The following VEZT variants were observed in gnomAD, a reference collection of about 807,000 sequenced individuals.
The protein encoded by VEZT is vezatin, adherens junctions transmembrane protein.
VEZT carries 39 observed loss-of-function variants against 79.9 expected under a neutral mutation model. The ratio of observed to expected loss-of-function variants is 0.49; its 90% CI spans 0.38 to 0.64. The LOEUF is 0.64. Ranked by LOEUF, VEZT falls within the 30% of genes least tolerant of loss-of-function variation. The pLI is 0.00. For synonymous variants in VEZT, 325 were observed against 327.6 expected (o/e 0.99, Z 0.09); for missense variants, 837 against 893.1 (o/e 0.94, Z 0.80).
Position 95,250,415 on chromosome 12 carries a change from G to A in VEZT, c.37-1525G>A, listed in dbSNP as rs532944060. Among the ~76,000 whole-genome samples, 15 of 147,900 alleles carry A rather than the reference G, an allele frequency of 1.0e-4. No individual in the cohort carries two copies. The South Asian group carries it at 2.4e-3, about 23-fold the overall frequency. ...CTTCCCAGGTTCAAGCCATTCTCCC[G>A]CCTCAGCCTCCTGAGTAGCTGAGAT... On this transcript the variant is annotated intron_variant, in intron 1 of 11. Transcript: ENST00000436874.
At chr12:95,219,039 A>G (rs1348783870) in intron 1 of VEZT, among the ~76,000 whole-genome samples, 1 of 152,158 alleles carries the variant, frequency 6.6e-6, no homozygotes, top group African/African-American at 2.4e-5. Flanking sequence ...CGAAGTGAAG[A>G]GTCTAGATAT....
chr12:95,272,613 G>A (rs554167545), intron 6 of VEZT, among the ~76,000 whole-genome samples: 2 of 152,180 alleles, frequency 1.3e-5, no homozygotes, highest in Non-Finnish European at 2.9e-5. Flanking sequence ...ACCCTTATTT[G>A]CCTGATCAAA....
intron 11 of VEZT, among the ~76,000 whole-genome samples, chr12:95,297,822 G>GA (rs2074480536): frequency 6.6e-6 from 1 of 151,972 alleles, no homozygotes; most frequent in Admixed American, 6.6e-5. Context: ...TTTTATTCAT[G>GA]AAAAAAATTC....
At chr12:95,223,525 G>A (rs1688286437) in intron 1 of VEZT, among the ~76,000 whole-genome samples, 1 of 152,128 alleles carries the variant, frequency 6.6e-6, no homozygotes, top group South Asian at 2.1e-4. Flanking sequence ...ATCTTGGCTT[G>A]CTGCAACCTC....
intron 1 of VEZT, among the ~76,000 whole-genome samples, chr12:95,226,490 G>A (rs1337854973): frequency 6.6e-6 from 1 of 151,786 alleles, no homozygotes; most frequent in Non-Finnish European, 1.5e-5. Flanking sequence ...GACTTACCTA[G>A]AGAATTACAT....
At chr12:95,221,800 A>G (rs2057633675) in intron 1 of VEZT, among the ~76,000 whole-genome samples, 2 of 152,212 alleles carry the variant, frequency 1.3e-5, no homozygotes, top group Non-Finnish European at 2.9e-5. Flanking sequence ...GTGAGCTACA[A>G]TTCCAGCCTG....
intron 6 of VEZT, among the ~76,000 whole-genome samples, chr12:95,271,570 C>T (rs572220712): frequency 1.1e-4 from 17 of 152,236 alleles, no homozygotes; most frequent in African/African-American, 2.9e-4. Flanking sequence ...GAAGCAAAAA[C>T]ATATGGAAAG....
chr12:95,274,765 A>C lies in VEZT; in HGVS notation c.872A>C (p.Asp291Ala), dbSNP rs771316414. The change falls in exon 7 of 12, where the codon GAC becomes GCC. Residue 291 changes from aspartate to alanine, a missense_variant. By Grantham distance (126) the Asp-to-Ala change is moderately radical. Transcript: ENST00000436874. ...ACCTACCCCCTGAACTCTGAGAGTG[A>C]CAATGTAACCAACTACATCTGTGTG... Reference protein sequence around the residue: ...LKNYPLNSESDNVTNYICVVP... With the variant: ...LKNYPLNSESANVTNYICVVP... 1.9e-6 allele frequency: 3 copies of C among 1,613,198 alleles called. No homozygotes were observed. Among genetic ancestry groups the C allele is most frequent in the South Asian group, 2.2e-5 (2 of 90,842 alleles).
At chr12:95,257,805 T>C (rs1216071416) in intron 3 of VEZT, among the ~76,000 whole-genome samples, 3 of 152,052 alleles carry the variant, frequency 2.0e-5, no homozygotes, top group Non-Finnish European at 4.4e-5. Flanking sequence ...TTTCAGGATC[T>C]CTGCTGGCCT....
chr12:95,247,213 G>A (rs1459108825), intron 1 of VEZT, among the ~76,000 whole-genome samples: 1 of 152,154 alleles, frequency 6.6e-6, no homozygotes, highest in Non-Finnish European at 1.5e-5. Context: ...TTAACATTTA[G>A]CTATTTGAAA....
rs774699347 is a variant in VEZT at position 95,287,835 on chromosome 12, A to G, written c.1500A>G (p.Leu500=). Reference sequence around the variant, plus strand: ...CCATTTCTCAGGTCGACAAACTGCTACGAAGAAATACAGATAAAAAAGGTA... The same window carrying G: ...CCATTTCTCAGGTCGACAAACTGCTGCGAAGAAATACAGATAAAAAAGGTA... The part of the protein sequence containing the change: ...EEAISQVDKL[L]RRNTDKKGKP... The change falls in exon 9 of 12, where the codon CTA becomes CTG. Residue 500 remains leucine (L), a synonymous_variant. Transcript: ENST00000436874. 1.6e-5 allele frequency: 25 copies of G among 1,599,440 alleles called. No individual in the cohort carries two copies. The highest frequency in any genetic ancestry group is 8.6e-5 in the Admixed American group (5 of 58,030).
intron 1 of VEZT, among the ~76,000 whole-genome samples, chr12:95,230,434 T>C (rs560769654): frequency 1.3e-5 from 2 of 151,506 alleles, no homozygotes; most frequent in South Asian, 4.2e-4. Flanking sequence ...TTTTTTTTTT[T>C]TGAGACAGTC....
chr12:95,228,985 A>G (rs1472979108), intron 1 of VEZT, among the ~76,000 whole-genome samples: 1 of 152,176 alleles, frequency 6.6e-6, no homozygotes, highest in African/African-American at 2.4e-5. Flanking sequence ...CTGGGCATTG[A>G]AATAAGACCC....
At chr12:95,288,415 A>G (rs1055525746) in intron 9 of VEZT, among the ~76,000 whole-genome samples, 4 of 152,186 alleles carry the variant, frequency 2.6e-5, no homozygotes, top group African/African-American at 9.6e-5. Flanking sequence ...AGCTGCTTTT[A>G]TGTGACTCCG....
chr12:95,226,395 G>A (rs2058495306), intron 1 of VEZT, among the ~76,000 whole-genome samples: 1 of 117,720 alleles, frequency 8.5e-6, no homozygotes, highest in South Asian at 2.5e-4. Context: ...AAATTTAACT[G>A]TGATTTTTTT....
intron 1 of VEZT, among the ~76,000 whole-genome samples, chr12:95,236,275 C>G (rs1469851423): frequency 1.3e-5 from 2 of 152,182 alleles, no homozygotes; most frequent in Non-Finnish European, 2.9e-5. Context: ...ATACGAAAAC[C>G]AGTCAGGCGT....
chr12:95,234,317 C>T (rs1373383469), intron 1 of VEZT, among the ~76,000 whole-genome samples: 7 of 134,798 alleles, frequency 5.2e-5, no homozygotes, highest in Admixed American at 1.6e-4. Flanking sequence ...GACAGAGTTT[C>T]GCTCTTGGCC....
At chr12:95,220,154 C>G (rs1316796134) in intron 1 of VEZT, among the ~76,000 whole-genome samples, 1 of 150,628 alleles carries the variant, frequency 6.6e-6, no homozygotes, top group Non-Finnish European at 1.5e-5. Flanking sequence ...AACCAGCACC[C>G]AGATCAAGAA....
intron 1 of VEZT, among the ~76,000 whole-genome samples, chr12:95,235,073 G>C (rs1475671348): frequency 8.6e-5 from 13 of 151,634 alleles, no homozygotes; most frequent in Admixed American, 7.9e-4. Context: ...ACACAGACAC[G>C]GCAACCATCC....
Sources: allele counts gnomAD v4.1 joint callset (sites outside exome capture counted in the v4.1 genomes callset), GRCh38; gene constraint gnomAD v4.1.1; transcripts MANE v1.5; gene names NCBI Gene and HGNC (gene_info 2026-07-23, HGNC 2026-07-21).